The following RPRD1B variants were observed in gnomAD, a reference collection of about 807,000 sequenced individuals.
RPRD1B encodes the protein regulation of nuclear pre-mRNA domain-containing protein 1B.
RPRD1B carries 11 observed loss-of-function variants against 41.5 expected under a neutral mutation model. The observed-to-expected ratio is 0.27, with a 90% CI of 0.17 to 0.44. The LOEUF (loss-of-function observed/expected upper bound fraction) is 0.44, where lower values mean the gene tolerates loss of function less well. RPRD1B is among the 20% of genes least tolerant of loss of function. The pLI, the probability that RPRD1B is intolerant of heterozygous loss-of-function variation, is 1.00. For synonymous variants in RPRD1B, 158 were observed against 155.6 expected (o/e 1.02, Z -0.12); for missense variants, 248 against 389.9 (o/e 0.64, Z 3.06).
At chr20:38,083,177 T>C (rs2074530315) in intron 6 of RPRD1B, among the ~76,000 whole-genome samples, 2 of 152,290 alleles carry the variant, frequency 1.3e-5, no homozygotes, top group Admixed American at 6.5e-5. Flanking sequence ...TGTTAACTTG[T>C]GCAAAGCATA....
chr20:38,072,008 T>C (rs1444068016), intron 6 of RPRD1B, among the ~76,000 whole-genome samples: 3 of 152,198 alleles, frequency 2.0e-5, no homozygotes, highest in Non-Finnish European at 4.4e-5. Flanking sequence ...GTGCAAAAGT[T>C]TTTTATTTTT....
intron 6 of RPRD1B, chr20:38,070,783 A>G: frequency 1.1e-6 from 1 of 936,214 alleles, no homozygotes; most frequent in Non-Finnish European, 1.2e-6. Flanking sequence ...TCTGTTGCCC[A>G]GGGCTAGAGT....
intron 6 of RPRD1B, among the ~76,000 whole-genome samples, chr20:38,078,688 C>G (rs1166511151): frequency 6.6e-6 from 1 of 152,160 alleles, no homozygotes; most frequent in Non-Finnish European, 1.5e-5. Flanking sequence ...TCGGTGTCTG[C>G]CTTTGATGGG....
intron 5 of RPRD1B, among the ~76,000 whole-genome samples, chr20:38,062,826 G>T: frequency 1.8e-5 from 1 of 55,604 alleles, no homozygotes; most frequent in Non-Finnish European, 3.2e-5. Flanking sequence ...TTAAAAGCCA[G>T]AGCCCCCCCC....
chr20:38,065,858 A>C, intron 5 of RPRD1B: 1 of 413,344 alleles, frequency 2.4e-6, no homozygotes, highest in Non-Finnish European at 4.3e-6. Flanking sequence ...CCCCCCATGT[A>C]CAGCTTCCTC....
chr20:38,049,961 T>C, intron 3 of RPRD1B: 1 of 414,704 alleles, frequency 2.4e-6, no homozygotes, highest in Non-Finnish European at 4.9e-6. Context: ...CACTGCTTCC[T>C]TTCCATCTGC....
chr20:38,074,954 T>C (rs924528783), intron 6 of RPRD1B, among the ~76,000 whole-genome samples: 4 of 152,258 alleles, frequency 2.6e-5, no homozygotes, highest in Non-Finnish European at 5.9e-5. Context: ...AACATGATTA[T>C]TTTTCCTTGT....
intron 4 of RPRD1B, among the ~76,000 whole-genome samples, chr20:38,058,762 AG>A (rs766019006): frequency 2.0e-5 from 3 of 152,202 alleles, no homozygotes; most frequent in Non-Finnish European, 2.9e-5. Flanking sequence ...GCTGGCGTGC[AG>A]TAGCATGATC....
intron 2 of RPRD1B, 81 bp from the exon 3 acceptor site, chr20:38,048,267 C>A: frequency 8.3e-7 from 1 of 1,209,960 alleles, no homozygotes; most frequent in Non-Finnish European, 1.1e-6. Context: ...TTGTTGATTT[C>A]TTTTTTTTTT....
At chr20:38,081,105 T>C (rs1201669563) in intron 6 of RPRD1B, among the ~76,000 whole-genome samples, 1 of 145,254 alleles carries the variant, frequency 6.9e-6, no homozygotes, top group Non-Finnish European at 1.5e-5. Context: ...CTGTGAAGAA[T>C]GTCTTTGGTA....
At chr20:38,079,139 C>T (rs1164638568) in intron 6 of RPRD1B, among the ~76,000 whole-genome samples, 2 of 152,166 alleles carry the variant, frequency 1.3e-5, no homozygotes, top group African/African-American at 2.4e-5. Flanking sequence ...AAGCTTCCCC[C>T]GTGCCATAGG....
chr20:38,083,441 G>GT (rs201793974), intron 6 of RPRD1B, among the ~76,000 whole-genome samples: 4 of 151,962 alleles, frequency 2.6e-5, no homozygotes, highest in Admixed American at 2.0e-4. Flanking sequence ...TCCTTTTTTA[G>GT]TTTTTTTTAG....
At chr20:38,069,078 C>T (rs889104052) in intron 6 of RPRD1B, among the ~76,000 whole-genome samples, 3 of 152,210 alleles carry the variant, frequency 2.0e-5, no homozygotes, top group African/African-American at 7.2e-5. Context: ...CTGTTTTCAT[C>T]CCAAAGCTCT....
chr20:38,068,658 T>A (rs1455133835), intron 6 of RPRD1B, among the ~76,000 whole-genome samples: 1 of 152,206 alleles, frequency 6.6e-6, no homozygotes. Context: ...CTTCACAATA[T>A]AAGATTTGAG....
Position 38,090,871 on chromosome 20 carries a change from A to G in RPRD1B, c.*996A>G. On this transcript the variant is annotated 3_prime_UTR_variant, in exon 7 of 7. Transcript: ENST00000373433. Reference sequence around the variant, plus strand: ...GCTAAACTCGAACATCACTGCAAATAGGACGCTGAGCAGGTCCGTCTGTCA... The same window carrying G: ...GCTAAACTCGAACATCACTGCAAATGGGACGCTGAGCAGGTCCGTCTGTCA... The G allele has an allele frequency of 2.0e-6, 2 of 985,300 alleles. No individual in the cohort carries two copies. Among genetic ancestry groups the G allele is most frequent in the Non-Finnish European group, 2.4e-6 (2 of 829,912 alleles). 61.0% of individuals were successfully genotyped at this position (985,300 alleles called of 1,614,324 possible).
In RPRD1B at chr20:38,054,197, G is replaced by A. The variant is rs1206042072; in HGVS notation, c.416-3335G>A. Among the ~76,000 whole-genome samples the A allele has an allele frequency of 3.3e-5, 5 of 152,162 alleles. No individual in the cohort carries two copies. In the East Asian group the frequency reaches 9.6e-4, roughly 29 times the overall value. ...AATGGTTTCCAAGGCCTTGTACCTG[G>A]AAGACAGGTCAGTGAAAGTGTTCGT... is the stretch of plus-strand genomic sequence containing the variant. On this transcript the variant is annotated intron_variant, in intron 3 of 6. Transcript: ENST00000373433.
chr20:38,048,212 A>T, intron 2 of RPRD1B, 136 bp from the exon 3 acceptor site: 1 of 866,258 alleles, frequency 1.2e-6, no homozygotes, highest in Non-Finnish European at 1.7e-6. Flanking sequence ...CAGGTATTAC[A>T]ATATGTACCT....
At chr20:38,062,828 G>GCCCCCCC (rs35010909) in intron 5 of RPRD1B, among the ~76,000 whole-genome samples, 5 of 34,722 alleles carry the variant, frequency 1.4e-4, no homozygotes, top group Non-Finnish European at 1.9e-4. Context: ...AAAAGCCAGA[G>GCCCCCCC]CCCCCCCCCC....
intron 6 of RPRD1B, among the ~76,000 whole-genome samples, chr20:38,075,241 C>T (rs1009196264): frequency 1.3e-5 from 2 of 152,176 alleles, no homozygotes; most frequent in Non-Finnish European, 2.9e-5. Flanking sequence ...CTTGTCTTTT[C>T]CAAAGCATCT....
Sources: gnomAD v4.1 joint callset for allele counts (sites outside exome capture counted in the v4.1 genomes callset) on GRCh38, gnomAD v4.1.1 for gene constraint, MANE v1.5 for transcripts, NCBI Gene and HGNC (gene_info 2026-07-23, HGNC 2026-07-21) for gene names.